The following KCNJ6 variants were observed in gnomAD, a reference collection of about 807,000 sequenced individuals.
The protein encoded by KCNJ6 is G protein-activated inward rectifier potassium channel 2.
In KCNJ6, 9 loss-of-function variants were observed where a neutral mutation model predicts 34.2. The observed-to-expected ratio is 0.26, with a 90% CI of 0.16 to 0.46. The LOEUF (loss-of-function observed/expected upper bound fraction) is 0.46, where lower values mean the gene tolerates loss of function less well. KCNJ6 is among the 20% of genes least tolerant of loss of function. KCNJ6 has a pLI of 1.00. For synonymous variants in KCNJ6, 196 were observed against 207.1 expected, an observed-to-expected ratio of 0.95 and a Z score of 0.46; for missense variants, 236 against 531.3, an observed-to-expected ratio of 0.44 and a Z score of 5.46.
chr21:37,706,324 C>T (rs966847371), intron 3 of KCNJ6, among the ~76,000 whole-genome samples: 8 of 152,144 alleles, frequency 5.3e-5, no homozygotes, highest in South Asian at 2.1e-4. Flanking sequence ...AACCATGAGG[C>T]GATCTGTGGT....
At chr21:37,685,681 C>A (rs76333129) in intron 3 of KCNJ6, among the ~76,000 whole-genome samples, 36,231 of 39,984 alleles carry the variant, frequency 0.91, 16,368 homozygotes, top group Non-Finnish European at 0.98. Context: ...ACTCTGTCTC[C>A]AAAAAAAAAA....
intron 2 of KCNJ6, among the ~76,000 whole-genome samples, chr21:37,719,103 CG>C (rs2054810395): frequency 6.6e-6 from 1 of 151,548 alleles, no homozygotes; most frequent in Non-Finnish European, 1.5e-5. Flanking sequence ...GGAGGAGCCC[CG>C]AGGGGCCAGG....
chr21:37,866,166 C>A (rs967806294), intron 1 of KCNJ6, among the ~76,000 whole-genome samples: 2 of 152,042 alleles, frequency 1.3e-5, no homozygotes, highest in Non-Finnish European at 2.9e-5. Flanking sequence ...AGAAGACATT[C>A]TGTCTGTGGA....
chr21:37,814,896 CA>C (rs3061049), intron 2 of KCNJ6, among the ~76,000 whole-genome samples: 7,812 of 69,116 alleles, frequency 0.11, 137 homozygotes, highest in Non-Finnish European at 0.14. Context: ...GACTCTGTCT[CA>C]AAAAAAAAAA....
chr21:37,860,517 C>T (rs2055589383), intron 1 of KCNJ6, among the ~76,000 whole-genome samples: 1 of 152,160 alleles, frequency 6.6e-6, no homozygotes, highest in African/African-American at 2.4e-5. Flanking sequence ...ATTTCCCTGG[C>T]TTAAAACCCT....
chr21:37,631,963 G>A (rs1315834272), intron 3 of KCNJ6, among the ~76,000 whole-genome samples: 1 of 152,088 alleles, frequency 6.6e-6, no homozygotes, highest in Non-Finnish European at 1.5e-5. Flanking sequence ...GTTTGTGGCT[G>A]CATTTTCCTC....
intron 3 of KCNJ6, among the ~76,000 whole-genome samples, chr21:37,670,932 A>AT (rs1769385781): frequency 1.3e-5 from 2 of 151,912 alleles, no homozygotes; most frequent in African/African-American, 4.8e-5. Context: ...ATTTTATTTC[A>AT]TTTTTTGGAT....
At chr21:37,882,454 T>C (rs1235388092) in intron 1 of KCNJ6, among the ~76,000 whole-genome samples, 1 of 152,204 alleles carries the variant, frequency 6.6e-6, no homozygotes, top group African/African-American at 2.4e-5. Flanking sequence ...TGACTGGGCA[T>C]GGATTTATTG....
chr21:37,667,235 C>G (rs1214395802), intron 3 of KCNJ6, among the ~76,000 whole-genome samples: 1 of 133,738 alleles, frequency 7.5e-6, no homozygotes, highest in African/African-American at 2.9e-5. Flanking sequence ...GGATATGTAA[C>G]AAGGGCCGAT....
At chr21:37,800,926 A>G in intron 2 of KCNJ6, among the ~76,000 whole-genome samples, 1 of 152,176 alleles carries the variant, frequency 6.6e-6, no homozygotes, top group Admixed American at 6.5e-5. Context: ...ACTCAGAGAG[A>G]GACTGAACTA....
chr21:37,724,565 G>A (rs967939981), intron 2 of KCNJ6, among the ~76,000 whole-genome samples: 146 of 152,332 alleles, frequency 9.6e-4, no homozygotes, highest in African/African-American at 3.4e-3. Flanking sequence ...TAGTGAGTGT[G>A]GAGGGGAGTG....
intron 2 of KCNJ6, among the ~76,000 whole-genome samples, chr21:37,764,685 T>G (rs2055082506): frequency 6.6e-6 from 1 of 152,230 alleles, no homozygotes; most frequent in Admixed American, 6.5e-5. Context: ...GCCAGAAATT[T>G]ACTTTTTGAT....
chr21:37,615,895 AGT>A lies in KCNJ6; in HGVS notation c.*9262_*9263del, dbSNP rs2123352660. On this transcript the variant is annotated 3_prime_UTR_variant, in exon 4 of 4. Coordinates refer to ENST00000609713, the MANE Select transcript of KCNJ6 (RefSeq NM_002240.5). ...CAAATGTGACTGGAGTGTGGGCATG[AGT>A]GTGATATGAGGATGATGGCTTGAAG... 6.6e-6 allele frequency: 1 copy of A among 152,352 alleles called. No homozygotes were observed. Among genetic ancestry groups the A allele is most frequent in the South Asian group, 2.1e-4 (1 of 4,828 alleles). 9.4% of individuals were successfully genotyped at this position (152,352 alleles called of 1,614,324 possible).
At chr21:37,741,225 G>A (rs1353591135) in intron 2 of KCNJ6, among the ~76,000 whole-genome samples, 1 of 152,130 alleles carries the variant, frequency 6.6e-6, no homozygotes, top group Non-Finnish European at 1.5e-5. Context: ...TCCCCATGCT[G>A]TCTGGACTAG....
At position 37,624,060 on chromosome 21, in the gene KCNJ6, C is replaced by G. The variant is rs759059039; in HGVS notation, c.*1099G>C. 1 of 152,114 alleles carries G rather than the reference C, an allele frequency of 6.6e-6. No homozygotes were observed. The highest frequency in any genetic ancestry group is 2.4e-5 in the African/African-American group (1 of 41,402). The allele number at this position is 152,114 out of a possible 1,614,324, so 9.4% of individuals were successfully genotyped here. The stretch of plus-strand genomic sequence containing the variant: ...AATCAATGGTTTTGCAGAAAAGTTT[C>G]CTAAATTATTGTACTACAAAGGGCA... On this transcript the variant is annotated 3_prime_UTR_variant, in exon 4 of 4. Transcript: ENST00000609713.
At chr21:37,883,027 T>C (rs1285786654) in intron 1 of KCNJ6, among the ~76,000 whole-genome samples, 1 of 152,200 alleles carries the variant, frequency 6.6e-6, no homozygotes, top group African/African-American at 2.4e-5. Flanking sequence ...CATATGTGGG[T>C]CTGTATGTGC....
chr21:37,745,072 GTTTTTTTTTTTTTTTTTT>G (rs58661633), intron 2 of KCNJ6, among the ~76,000 whole-genome samples: 2 of 89,466 alleles, frequency 2.2e-5, no homozygotes, highest in African/African-American at 5.0e-5. Context: ...AACGTTGCTG[GTTTTTTTTTTTTTTTTTT>G]TTTTTTTTTT....
chr21:37,625,916 G>T (rs2054308651), intron 3 of KCNJ6, among the ~76,000 whole-genome samples: 2 of 152,172 alleles, frequency 1.3e-5, no homozygotes, highest in Admixed American at 6.5e-5. Context: ...GACTTAGAAT[G>T]AAATTTCATA....
intron 2 of KCNJ6, among the ~76,000 whole-genome samples, chr21:37,815,185 T>A (rs948842309): frequency 1.3e-5 from 2 of 151,986 alleles, no homozygotes; most frequent in South Asian, 2.1e-4. Context: ...AAAGAATGAA[T>A]AAGAACTAGT....
Sources: allele counts gnomAD v4.1 joint callset (sites outside exome capture counted in the v4.1 genomes callset), GRCh38; gene constraint gnomAD v4.1.1; transcripts MANE v1.5; gene names NCBI Gene and HGNC (gene_info 2026-07-23, HGNC 2026-07-21).